GRAMD1B: variants seen among roughly 807,000 people sequenced by gnomAD.
The protein encoded by GRAMD1B is GRAM domain containing 1B.
A neutral mutation model predicts 99.7 loss-of-function variants in GRAMD1B; 37 were observed. The ratio of observed to expected loss-of-function variants is 0.37; its 90% confidence interval spans 0.29 to 0.49. GRAMD1B has a LOEUF of 0.49. Ranked by LOEUF, GRAMD1B falls within the 20% of genes least tolerant of loss-of-function variation. The pLI, the probability that GRAMD1B is intolerant of heterozygous loss-of-function variation, is 0.98. For synonymous variants in GRAMD1B, 427 were observed against 387.6 expected, an observed-to-expected ratio of 1.10 and a Z score of -1.19; for missense variants, 888 against 1,009.2, an observed-to-expected ratio of 0.88 and a Z score of 1.63.
chr11:123,515,462 T>C (rs1398638111), intron 2 of GRAMD1B, among the ~76,000 whole-genome samples: 1 of 152,202 alleles, frequency 6.6e-6, no homozygotes, highest in African/African-American at 2.4e-5. Context: ...CAGATTTGAC[T>C]ATGTATCCTG....
At chr11:123,535,215 A>G (rs778406181) in intron 2 of GRAMD1B, among the ~76,000 whole-genome samples, 1 of 150,516 alleles carries the variant, frequency 6.6e-6, no homozygotes, top group Non-Finnish European at 1.5e-5. Flanking sequence ...AATTACAATC[A>G]TGATGCTTCT....
intron 2 of GRAMD1B, among the ~76,000 whole-genome samples, chr11:123,520,919 T>A (rs1251946829): frequency 6.6e-6 from 1 of 152,174 alleles, no homozygotes; most frequent in Non-Finnish European, 1.5e-5. Context: ...TGTGACTGAT[T>A]TATGCATTTT....
chr11:123,575,057 A>G (rs561185559), intron 2 of GRAMD1B, among the ~76,000 whole-genome samples: 1 of 152,184 alleles, frequency 6.6e-6, no homozygotes, highest in Admixed American at 6.5e-5. Flanking sequence ...AGGTGTGTAG[A>G]TCTTTGCATG....
chr11:123,526,601 G>C (rs531432554), intron 2 of GRAMD1B, among the ~76,000 whole-genome samples: 3 of 152,304 alleles, frequency 2.0e-5, no homozygotes, highest in South Asian at 4.1e-4. Context: ...GAGGGAGGGT[G>C]TGCGGGGGGC....
At chr11:123,513,909 G>T (rs886696590) in intron 2 of GRAMD1B, among the ~76,000 whole-genome samples, 4 of 152,026 alleles carry the variant, frequency 2.6e-5, no homozygotes, top group African/African-American at 4.8e-5. Flanking sequence ...TGCCACCTTG[G>T]CCTCCCACAG....
chr11:123,616,734 T>C (rs2137071801), intron 17 of GRAMD1B, among the ~76,000 whole-genome samples: 1 of 152,308 alleles, frequency 6.6e-6, no homozygotes, highest in South Asian at 2.1e-4. Flanking sequence ...CCACCTCCTT[T>C]CTCTATTTCG....
intron 2 of GRAMD1B, among the ~76,000 whole-genome samples, chr11:123,504,762 A>C (rs1008526418): frequency 3.9e-5 from 6 of 151,926 alleles, no homozygotes; most frequent in Non-Finnish European, 4.4e-5. Flanking sequence ...GCTCACTGCA[A>C]CCTCCGCCTA....
chr11:123,568,446 C>T (rs766908737), intron 2 of GRAMD1B, among the ~76,000 whole-genome samples: 1 of 152,248 alleles, frequency 6.6e-6, no homozygotes, highest in Non-Finnish European at 1.5e-5. Flanking sequence ...ACCTTGTACA[C>T]TTCACCCAAG....
intron 1 of GRAMD1B, among the ~76,000 whole-genome samples, chr11:123,365,227 A>G (rs1946277285): frequency 1.3e-5 from 2 of 151,686 alleles, no homozygotes; most frequent in East Asian, 1.9e-4. Flanking sequence ...TTCCTTGTAG[A>G]TTCTACCCTA....
intron 1 of GRAMD1B, among the ~76,000 whole-genome samples, chr11:123,366,882 T>A (rs1001670690): frequency 6.6e-6 from 1 of 152,212 alleles, no homozygotes; most frequent in African/African-American, 2.4e-5. Flanking sequence ...ATTATCACTT[T>A]ATATTATTAC....
intron 1 of GRAMD1B, among the ~76,000 whole-genome samples, chr11:123,421,401 T>C (rs182687046): frequency 1.6e-4 from 24 of 152,340 alleles, no homozygotes; most frequent in African/African-American, 5.8e-4. Context: ...GTCAAAATAT[T>C]ATGTCCAAAA....
chr11:123,480,798 T>C lies in GRAMD1B; in HGVS notation c.375-18T>C. 2.5e-6 allele frequency: 1 copy of C among 398,966 alleles called. No individual in the cohort carries two copies. Among genetic ancestry groups the C allele is most frequent in the Non-Finnish European group, 4.4e-6 (1 of 226,108 alleles). The allele number at this position is 398,966 out of a possible 1,614,324, so 24.7% of individuals were successfully genotyped here. On this transcript the variant is annotated intron_variant, in intron 1 of 19. Transcript: ENST00000635736. ...AAGAAGCTGAAGTTAACGGTTGATA[T>C]CCTATGTCTTTCCTCAGCAGCCAAC...
intron 2 of GRAMD1B, among the ~76,000 whole-genome samples, chr11:123,519,171 T>C (rs2135407396): frequency 6.6e-6 from 1 of 152,254 alleles, no homozygotes; most frequent in African/African-American, 2.4e-5. Context: ...AGGGGCTGGC[T>C]TTGGAGGCTC....
chr11:123,558,683 C>T (rs1055695221), intron 2 of GRAMD1B, among the ~76,000 whole-genome samples: 1 of 152,218 alleles, frequency 6.6e-6, no homozygotes, highest in African/African-American at 2.4e-5. Context: ...CAGAAGAAGT[C>T]GGACTTGAGC....
At chr11:123,562,776 G>A (rs1303914712) in intron 2 of GRAMD1B, among the ~76,000 whole-genome samples, 1 of 152,116 alleles carries the variant, frequency 6.6e-6, no homozygotes, top group East Asian at 1.9e-4. Flanking sequence ...GAAGTGGTGG[G>A]GGTGTTTGCT....
chr11:123,417,056 C>T (rs1565485081), intron 1 of GRAMD1B, among the ~76,000 whole-genome samples: 1 of 152,194 alleles, frequency 6.6e-6, no homozygotes, highest in African/African-American at 2.4e-5. Context: ...GTACATTAAT[C>T]TCAAACAGGT....
chr11:123,385,593 C>T (rs1349596619), intron 1 of GRAMD1B, among the ~76,000 whole-genome samples: 1 of 152,188 alleles, frequency 6.6e-6, no homozygotes, highest in Non-Finnish European at 1.5e-5. Flanking sequence ...CTTGGAGGCC[C>T]TTCCCAGCCC....
intron 2 of GRAMD1B, among the ~76,000 whole-genome samples, chr11:123,521,290 G>T (rs1591802190): frequency 6.6e-6 from 1 of 152,128 alleles, no homozygotes; most frequent in Non-Finnish European, 1.5e-5. Flanking sequence ...ATATTTTCCT[G>T]AGTACTAATG....
In GRAMD1B at chr11:123,625,973, A is replaced by AGAGATCGAGAGATC. The variant is rs1555112794; in HGVS notation, c.*3382_*3383insTCGAGAGATCGAGA. 1 of 139,748 alleles carries AGAGATCGAGAGATC rather than the reference A, an allele frequency of 7.2e-6. No individual in the cohort carries two copies. The highest frequency in any genetic ancestry group is 2.6e-5 in the African/African-American group (1 of 38,420). The allele number at this position is 139,748 out of a possible 1,614,324, so 8.7% of individuals were successfully genotyped here. A position where few individuals can be genotyped will look rare whatever the true frequency, so the allele number is the denominator to read the frequency against. ...GAGAGAGAGAGAGAGAGAGAGAGAG[A>AGAGATCGAGAGATC]GAGAGAGATCGAGCTTGATGTATTG... On this transcript the variant is annotated 3_prime_UTR_variant, in exon 20 of 20. Transcript: ENST00000635736.
Sources: allele counts gnomAD v4.1 joint callset (sites outside exome capture counted in the v4.1 genomes callset), GRCh38; gene constraint gnomAD v4.1.1; transcripts MANE v1.5; gene names NCBI Gene and HGNC (gene_info 2026-07-23, HGNC 2026-07-21).